Variants in GRIN2B observed in about 807,000 individuals in gnomAD.
GRIN2B encodes glutamate ionotropic receptor NMDA type subunit 2B, also known as glutamate receptor ionotropic, NMDA 2B.
In GRIN2B, 5 loss-of-function variants were observed where a neutral mutation model predicts 114.5. The ratio of observed to expected loss-of-function variants is 0.04; its 90% confidence interval spans 0.02 to 0.09. The LOEUF is 0.09. GRIN2B is among the 10% of genes least tolerant of loss of function. The pLI, the probability that GRIN2B is intolerant of heterozygous loss-of-function variation, is 1.00. For synonymous variants in GRIN2B, 787 were observed against 745.1 expected (o/e 1.06, Z -0.92); for missense variants, 1,108 against 1,943.5 (o/e 0.57, Z 8.08).
chr12:13,789,634 C>T (rs182671063), intron 3 of GRIN2B, among the ~76,000 whole-genome samples: 323 of 152,208 alleles, frequency 2.1e-3, no homozygotes, highest in South Asian at 6.4e-3. Flanking sequence ...TAATTATGCT[C>T]ATGTAAGAAT....
chr12:13,949,435 AGGACCCTTAATCTGAACACTCAACCAGAG>A (rs1234899518), intron 2 of GRIN2B, among the ~76,000 whole-genome samples: 4 of 152,068 alleles, frequency 2.6e-5, no homozygotes, highest in Admixed American at 6.6e-5. Flanking sequence ...ACAGGTTTCC[AGGACCCTTAATCTGAACACTCAACCAGAG>A]GGACCACAGG....
At chr12:13,775,269 A>C (rs1466749442) in intron 3 of GRIN2B, among the ~76,000 whole-genome samples, 1 of 152,202 alleles carries the variant, frequency 6.6e-6, no homozygotes, top group Non-Finnish European at 1.5e-5. Context: ...GGTAATAACT[A>C]TACTGGATTA....
In GRIN2B at chr12:13,552,121, G is replaced by A. The variant is rs1948420652; in HGVS notation, c.*10662C>T. The A allele has an allele frequency of 6.6e-6, 1 of 152,178 alleles. No individual in the cohort carries two copies. The highest frequency in any genetic ancestry group is 1.5e-5 in the Non-Finnish European group (1 of 68,042). 9.4% of individuals were successfully genotyped at this position (152,178 alleles called of 1,614,324 possible). A position where few individuals can be genotyped will look rare whatever the true frequency, so the allele number is the denominator to read the frequency against. ...TGAATCTCTTACTGCAAGGGGGACAGATGGAGTCACAGCCTGGTGGCCTAA... is the reference window on the plus strand; with the variant it reads ...TGAATCTCTTACTGCAAGGGGGACAAATGGAGTCACAGCCTGGTGGCCTAA... On this transcript the variant is annotated 3_prime_UTR_variant, in exon 14 of 14. Coordinates refer to ENST00000609686, the MANE Select transcript of GRIN2B (RefSeq NM_000834.5).
chr12:13,923,846 A>ACC (rs1866866914), intron 2 of GRIN2B, among the ~76,000 whole-genome samples: 1 of 152,130 alleles, frequency 6.6e-6, no homozygotes, highest in Admixed American at 6.5e-5. Context: ...CCTCAGCCCA[A>ACC]ATGGATGTTT....
At chr12:13,703,620 A>T (rs1187969814) in intron 4 of GRIN2B, among the ~76,000 whole-genome samples, 1 of 152,178 alleles carries the variant, frequency 6.6e-6, no homozygotes, top group Non-Finnish European at 1.5e-5. Flanking sequence ...ATATATTTTT[A>T]AAAATTCATA....
chr12:13,605,235 CACTAATTTCCCAGATGAGCTAGGGAAATG>C lies in GRIN2B; in HGVS notation c.2010+3339_2010+3367del, dbSNP rs1388870862. On this transcript the variant is annotated intron_variant, in intron 10 of 13. Coordinates refer to ENST00000609686, the MANE Select transcript of GRIN2B (RefSeq NM_000834.5). ...GATTTGAATAGTTGCCATAATAGAG[CACTAATTTCCCAGATGAGCTAGGGAAATG>C]ACTAATTTCCCAGATGAGCTAGGGA... is the stretch of plus-strand genomic sequence containing the variant. Among the ~76,000 whole-genome samples, 4 of 152,168 alleles carry C rather than the reference CACTAATTTCCCAGATGAGCTAGGGAAATG, an allele frequency of 2.6e-5. 1 individual carries two copies. The highest frequency in any genetic ancestry group is 2.6e-4 in the Admixed American group (4 of 15,272).
At chr12:13,790,923 T>C (rs1013992880) in intron 3 of GRIN2B, among the ~76,000 whole-genome samples, 2 of 152,144 alleles carry the variant, frequency 1.3e-5, no homozygotes, top group Non-Finnish European at 2.9e-5. Context: ...GTCCAGAGGC[T>C]GCTGTTCCAG....
intron 4 of GRIN2B, among the ~76,000 whole-genome samples, chr12:13,708,521 G>A (rs753287728): frequency 2.0e-5 from 3 of 151,980 alleles, no homozygotes; most frequent in Non-Finnish European, 4.4e-5. Flanking sequence ...CATGAAATAA[G>A]TCTATCCTTT....
Position 13,670,728 on chromosome 12 carries a change from C to A in GRIN2B, c.1125+5017G>T, listed in dbSNP as rs138092660. On this transcript the variant is annotated intron_variant, in intron 5 of 13. Coordinates refer to ENST00000609686, the MANE Select transcript of GRIN2B (RefSeq NM_000834.5). ...TTTTTTTCACCATTTCTACCCTTTC[C>A]AACTCACCATGCTATGTCTGCATGC... Among the ~76,000 whole-genome samples, 69 of 152,180 alleles carry A rather than the reference C, an allele frequency of 4.5e-4. No homozygotes were observed. In the East Asian group the frequency reaches 0.01, roughly 22 times the overall value.
chr12:13,758,531 C>T (rs955557823), intron 3 of GRIN2B, among the ~76,000 whole-genome samples: 7 of 152,182 alleles, frequency 4.6e-5, no homozygotes, highest in Non-Finnish European at 7.3e-5. Flanking sequence ...ATAAGAAATG[C>T]ATTTGCAAAA....
chr12:13,618,918 T>A (rs1949480978), intron 5 of GRIN2B, among the ~76,000 whole-genome samples: 2 of 152,172 alleles, frequency 1.3e-5, no homozygotes. Context: ...TCAGATACTA[T>A]TGTGAACAAT....
At chr12:13,808,626 G>A (rs941404436) in intron 3 of GRIN2B, among the ~76,000 whole-genome samples, 2 of 151,674 alleles carry the variant, frequency 1.3e-5, no homozygotes, top group Non-Finnish European at 2.9e-5. Context: ...GATAGCTTAA[G>A]GAGATATACC....
At chr12:13,794,322 T>C (rs541174718) in intron 3 of GRIN2B, among the ~76,000 whole-genome samples, 7 of 152,254 alleles carry the variant, frequency 4.6e-5, no homozygotes, top group African/African-American at 1.7e-4. Flanking sequence ...ACGTCTACAT[T>C]CTTAAGTCAG....
At chr12:13,767,854 A>G (rs1863827986) in intron 3 of GRIN2B, among the ~76,000 whole-genome samples, 1 of 152,234 alleles carries the variant, frequency 6.6e-6, no homozygotes, top group Non-Finnish European at 1.5e-5. Flanking sequence ...GAAACTCCAT[A>G]GTATTAGTAA....
intron 3 of GRIN2B, among the ~76,000 whole-genome samples, chr12:13,757,024 T>C (rs947425448): frequency 1.3e-5 from 2 of 152,286 alleles, no homozygotes; most frequent in South Asian, 4.2e-4. Flanking sequence ...CCCAACTACA[T>C]CCTTACCGTA....
chr12:13,605,404 T>C (rs1217760746), intron 10 of GRIN2B, among the ~76,000 whole-genome samples: 1 of 151,774 alleles, frequency 6.6e-6, no homozygotes, highest in Admixed American at 6.6e-5. Flanking sequence ...AGAGGTATGG[T>C]TGAAAAAGAT....
At chr12:13,646,728 T>A (rs1949764599) in intron 5 of GRIN2B, among the ~76,000 whole-genome samples, 2 of 152,008 alleles carry the variant, frequency 1.3e-5, no homozygotes, top group South Asian at 4.1e-4. Flanking sequence ...AGGGTTTCAC[T>A]ATGTCATCCA....
chr12:13,741,243 G>C (rs555987656), intron 4 of GRIN2B, among the ~76,000 whole-genome samples: 44 of 152,198 alleles, frequency 2.9e-4, no homozygotes, highest in African/African-American at 1.1e-3. Context: ...TCTTGCCCAG[G>C]CTGTTCTTGA....
intron 3 of GRIN2B, among the ~76,000 whole-genome samples, chr12:13,756,143 G>A (rs1863571946): frequency 1.3e-5 from 2 of 152,024 alleles, no homozygotes; most frequent in Non-Finnish European, 2.9e-5. Flanking sequence ...AGCCTCCCGA[G>A]TAGCTGGGAT....
Sources: allele counts gnomAD v4.1 joint callset (sites outside exome capture counted in the v4.1 genomes callset), GRCh38; gene constraint gnomAD v4.1.1; transcripts MANE v1.5; gene names NCBI Gene and HGNC (gene_info 2026-07-23, HGNC 2026-07-21).